Variants in SRPX observed in about 807,000 individuals in gnomAD.
SRPX encodes sushi repeat-containing protein SRPX.
A neutral mutation model predicts 38.1 loss-of-function variants in SRPX; 24 were observed. That is an observed-to-expected ratio of 0.63 (90% CI 0.46 to 0.89). The LOEUF (loss-of-function observed/expected upper bound fraction) is 0.89, where lower values mean the gene tolerates loss of function less well. SRPX is among the 40% of genes least tolerant of loss of function. The probability of loss-of-function intolerance (pLI) is 0.00; values close to 1 mark genes in which losing one functional copy is unlikely to be tolerated. For missense variants in SRPX, 416 were observed against 377.8 expected (o/e 1.10, Z -0.84); for synonymous variants, 184 against 153.8 (o/e 1.20, Z -1.45).
intron 5 of SRPX, 39 bp downstream of exon 5, chrX:38,164,730 A>G (rs1938331141): frequency 8.3e-7 from 1 of 1,202,457 alleles, no homozygotes; most frequent in Admixed American, 2.2e-5. Context: ...ATCTCACATA[A>G]AAGAGACAGC....
chrX:38,190,623 G>C (rs1172463053), intron 1 of SRPX, among the ~76,000 whole-genome samples: 1 of 111,532 alleles, frequency 9.0e-6, no homozygotes, highest in Non-Finnish European at 1.9e-5. Context: ...TTCACTGGGA[G>C]ACTCAAGCTC....
chrX:38,159,439 C>T (rs1157161360), intron 7 of SRPX, among the ~76,000 whole-genome samples: 2 of 113,087 alleles, frequency 1.8e-5, no homozygotes, highest in Non-Finnish European at 3.7e-5. Context: ...GTTTCAGACT[C>T]ATTACCCAGC....
chrX:38,168,578 C>A (rs753103564), intron 4 of SRPX, among the ~76,000 whole-genome samples: 3 of 112,353 alleles, frequency 2.7e-5, no homozygotes, highest in Non-Finnish European at 5.6e-5. Context: ...GTCTATTGTG[C>A]AGCAACAGAT....
At chrX:38,150,964 A>G (rs1417498388) in intron 9 of SRPX, among the ~76,000 whole-genome samples, 4 of 112,227 alleles carry the variant, frequency 3.6e-5, no homozygotes, top group Non-Finnish European at 5.6e-5. Flanking sequence ...TTCAGTTTAG[A>G]TATTTTGAGA....
chrX:38,181,448 C>CAGTTG (rs1259728922), intron 1 of SRPX, among the ~76,000 whole-genome samples: 5 of 112,219 alleles, frequency 4.5e-5, no homozygotes, highest in Admixed American at 9.4e-5. Flanking sequence ...CTCTTTTCTA[C>CAGTTG]AGTTGTGCAT....
chrX:38,216,632 C>T (rs1268845054), intron 1 of SRPX, among the ~76,000 whole-genome samples: 1 of 112,466 alleles, frequency 8.9e-6, no homozygotes, highest in Non-Finnish European at 1.9e-5. Flanking sequence ...ATTTTGGAAG[C>T]GAATCTCTAA....
At chrX:38,180,401 T>C in intron 1 of SRPX, among the ~76,000 whole-genome samples, 1 of 111,723 alleles carries the variant, frequency 9.0e-6, no homozygotes, top group Non-Finnish European at 1.9e-5. Flanking sequence ...GAGTCCAGTA[T>C]TGGTCCTTTA....
intron 1 of SRPX, among the ~76,000 whole-genome samples, chrX:38,208,248 C>A (rs1056544807): frequency 3.6e-5 from 4 of 111,645 alleles, no homozygotes; most frequent in Non-Finnish European, 7.5e-5. Context: ...TATGTGCATA[C>A]CCATGAGACC....
intron 1 of SRPX, among the ~76,000 whole-genome samples, chrX:38,179,109 G>A (rs1938622005): frequency 1.8e-5 from 2 of 110,042 alleles, no homozygotes; most frequent in African/African-American, 6.6e-5. Context: ...ACCATGCCTG[G>A]CTAATTTTGT....
chrX:38,210,100 G>T (rs1474338379), intron 1 of SRPX, among the ~76,000 whole-genome samples: 1 of 112,719 alleles, frequency 8.9e-6, no homozygotes, highest in African/African-American at 3.2e-5. Context: ...CACACCAGTG[G>T]TTCTCACACT....
chrX:38,154,343 A>G (rs1938085729), intron 9 of SRPX, 119 bp downstream of exon 9: 1 of 827,294 alleles, frequency 1.2e-6, no homozygotes, highest in Admixed American at 3.7e-5. Context: ...CCCAGAATAA[A>G]AGCAATTAAA....
At chrX:38,156,334 C>T (rs987664109) in intron 8 of SRPX, among the ~76,000 whole-genome samples, 1 of 111,797 alleles carries the variant, frequency 8.9e-6, no homozygotes, top group Admixed American at 9.5e-5. Flanking sequence ...AAGTGACCCT[C>T]AAACTTTAGA....
rs536603759 is a variant in SRPX at position 38,195,681 on chromosome X, G to C, written c.98-17337C>G. The stretch of plus-strand genomic sequence containing the variant: ...CACACGCCAGCCTCAAGTACTGAGA[G>C]AGTCCCAATGAAAACTCAAAAGTTT... On this transcript the variant is annotated intron_variant, in intron 1 of 9. Coordinates refer to ENST00000378533, the MANE Select transcript of SRPX (RefSeq NM_006307.5). Among the ~76,000 whole-genome samples the C allele has an allele frequency of 1.4e-4, 16 of 111,835 alleles. No individual in the cohort carries two copies. The South Asian group carries it at 6.0e-3, about 42-fold the overall frequency.
chrX:38,156,744 C>A, intron 8 of SRPX, 152 bp downstream of exon 8: 1 of 632,670 alleles, frequency 1.6e-6, no homozygotes, highest in Non-Finnish European at 2.3e-6. Context: ...GGCCCAGAAC[C>A]AGAAATGAAT....
At chrX:38,207,862 A>G (rs1939241989) in intron 1 of SRPX, among the ~76,000 whole-genome samples, 1 of 112,437 alleles carries the variant, frequency 8.9e-6, no homozygotes, top group Non-Finnish European at 1.9e-5. Context: ...CTTCAACTCC[A>G]TTTAAACAAA....
rs1938478796 is a variant in SRPX at position 38,171,959 on chromosome X, C to T, written c.448G>A (p.Gly150Arg). 8.3e-7 allele frequency: 1 copy of T among 1,209,863 alleles called. No homozygotes were observed. Among genetic ancestry groups the T allele is most frequent in the African/African-American group, 1.7e-5 (1 of 57,164 alleles). The change falls in exon 4 of 10, where the codon GGA becomes AGA. Residue 150 changes from glycine (G) to arginine (R), a missense_variant. Gly to Arg is a moderately radical substitution (Grantham distance 125). Transcript: ENST00000378533. ...GTCCGCTCCCCTTTCAACGTGTATC[C>T]TGGTGAACAATAATACTCACACCGG... The part of the protein sequence containing the change: ...NSRCEYYCSP[G>R]YTLKGERTVT...
intron 1 of SRPX, among the ~76,000 whole-genome samples, chrX:38,191,570 A>G (rs769083898): frequency 9.0e-6 from 1 of 110,630 alleles, no homozygotes; most frequent in South Asian, 3.9e-4. Context: ...ACACACATAT[A>G]CCATATTTTA....
In SRPX at chrX:38,220,815, C is replaced by G. The variant is rs1293788788; in HGVS notation, c.-23G>C. ...CATGGCGAGCGGGCGCTTAGCTCGC[C>G]TCGGCAGCGCAGCGCGCTTCCCGGG... On this transcript the variant is annotated 5_prime_UTR_variant, in exon 1 of 10. Transcript: ENST00000378533. 4 of 1,073,212 alleles carry G rather than the reference C, an allele frequency of 3.7e-6. No individual in the cohort carries two copies. The African/African-American group carries it at 5.9e-5, about 16-fold the overall frequency. 88.4% of individuals were successfully genotyped at this position (1,073,212 alleles called of 1,213,427 possible). A position where few individuals can be genotyped will look rare whatever the true frequency, so the allele number is the denominator to read the frequency against.
In SRPX at chrX:38,164,781, C is replaced by G. The variant is rs771177910; in HGVS notation, c.641G>C (p.Gly214Ala). The change falls in exon 5 of 10, where the codon GGA (glycine) becomes GCA (alanine). Residue 214 changes from glycine to alanine, a missense_variant. Transcript: ENST00000378533. ...AAGTTTCACTTACTCAGTAAGAATT[C>G]CATCTGCTGTGTCTCTTCCTTCGGG... ...ETPEGRDTAD[G>A]ILTDVILKGL... is the part of the protein sequence containing the mutation. The G allele has an allele frequency of 3.3e-6, 4 of 1,208,008 alleles. No homozygotes were observed. The African/African-American group carries it at 5.3e-5, about 16-fold the overall frequency.
Sources: allele counts gnomAD v4.1 joint callset (sites outside exome capture counted in the v4.1 genomes callset), GRCh38; gene constraint gnomAD v4.1.1; transcripts MANE v1.5; gene names NCBI Gene and HGNC (gene_info 2026-07-23, HGNC 2026-07-21).